PARD3: variants seen among roughly 807,000 people sequenced by gnomAD.
PARD3 encodes the protein partitioning defective 3 homolog.
PARD3 carries 75 observed loss-of-function variants against 155.4 expected under a neutral mutation model. That is an observed-to-expected ratio of 0.48 (90% confidence interval 0.40 to 0.58). The LOEUF is 0.58. PARD3 is among the 20% of genes least tolerant of loss of function. The pLI, the probability that PARD3 is intolerant of heterozygous loss-of-function variation, is 0.00. For synonymous variants in PARD3, 576 were observed against 610.5 expected, an observed-to-expected ratio of 0.94 and a Z score of 0.83; for missense variants, 1,642 against 1,721.7, an observed-to-expected ratio of 0.95 and a Z score of 0.82.
intron 7 of PARD3, among the ~76,000 whole-genome samples, chr10:34,393,234 C>T (rs1321844820): frequency 6.6e-6 from 1 of 150,466 alleles, no homozygotes; most frequent in Non-Finnish European, 1.5e-5. Context: ...AATTTAAGTG[C>T]CACAGACTTA....
At chr10:34,574,205 A>G (rs2086706035) in intron 2 of PARD3, among the ~76,000 whole-genome samples, 2 of 152,196 alleles carry the variant, frequency 1.3e-5, no homozygotes, top group South Asian at 4.1e-4. Flanking sequence ...ATTGATTATA[A>G]AAAGGGGACA....
chr10:34,145,221 A>ATATATATATATTTTTTTTTT (rs1491430560), intron 22 of PARD3, among the ~76,000 whole-genome samples: 2 of 33,970 alleles, frequency 5.9e-5, no homozygotes, highest in Admixed American at 4.0e-4. Context: ...ATATATATAT[A>ATATATATATATTTTTTTTTT]TTTTTTTTTT....
At chr10:34,705,370 C>T (rs2094347504) in intron 1 of PARD3, among the ~76,000 whole-genome samples, 1 of 151,950 alleles carries the variant, frequency 6.6e-6, no homozygotes, top group Non-Finnish European at 1.5e-5. Context: ...TGCCTATAGT[C>T]CCAGCTACTG....
At position 34,731,984 on chromosome 10, in the gene PARD3, C is replaced by G. The variant is rs373522144; in HGVS notation, c.121-35565G>C. ...GAAGAAATTTTGCAAGACTAACTCT[C>G]AAAAAGAATAGCTATTTGCAGAATG... is the stretch of plus-strand genomic sequence containing the variant. On this transcript the variant is annotated intron_variant, in intron 1 of 24. Transcript: ENST00000374788. Among the ~76,000 whole-genome samples, 44 of 152,242 alleles carry G rather than the reference C, an allele frequency of 2.9e-4. 1 individual carries two copies. In the East Asian group the frequency reaches 6.0e-3, roughly 21 times the overall value.
intron 2 of PARD3, among the ~76,000 whole-genome samples, chr10:34,551,430 G>A (rs2084548235): frequency 6.6e-6 from 1 of 152,082 alleles, no homozygotes; most frequent in African/African-American, 2.4e-5. Context: ...TCACTCAAAT[G>A]AACACAAATA....
chr10:34,646,867 T>C (rs1242374677), intron 2 of PARD3, among the ~76,000 whole-genome samples: 1 of 152,192 alleles, frequency 6.6e-6, no homozygotes, highest in African/African-American at 2.4e-5. Context: ...CATTATTTTT[T>C]TGCAGGCTGA....
chr10:34,411,645 C>G (rs1323802409), intron 5 of PARD3, among the ~76,000 whole-genome samples: 1 of 151,872 alleles, frequency 6.6e-6, no homozygotes, highest in African/African-American at 2.4e-5. Flanking sequence ...GACTGCAGAT[C>G]TTGGGACTTT....
intron 4 of PARD3, among the ~76,000 whole-genome samples, chr10:34,450,747 C>T (rs556281105): frequency 1.3e-5 from 2 of 152,240 alleles, no homozygotes; most frequent in Admixed American, 6.5e-5. Context: ...AAACCAAGTA[C>T]GTACACCAAA....
At chr10:34,427,686 G>C (rs2075690158) in intron 5 of PARD3, among the ~76,000 whole-genome samples, 1 of 152,068 alleles carries the variant, frequency 6.6e-6, no homozygotes, top group Non-Finnish European at 1.5e-5. Context: ...ATAAAAACTT[G>C]CTGGCTTTAC....
At chr10:34,432,041 CAAA>C (rs142848273) in intron 5 of PARD3, among the ~76,000 whole-genome samples, 148 of 21,542 alleles carry the variant, frequency 6.9e-3, no homozygotes, top group African/African-American at 0.016. Context: ...GACTCTGTCT[CAAA>C]AAAAAAAAAA....
intron 2 of PARD3, among the ~76,000 whole-genome samples, chr10:34,585,410 AATCT>A (rs2087917104): frequency 1.3e-5 from 2 of 152,144 alleles, no homozygotes; most frequent in African/African-American, 4.8e-5. Flanking sequence ...TTATTTCATC[AATCT>A]ATTAGGAACT....
At chr10:34,728,387 C>T (rs1564553462) in intron 1 of PARD3, among the ~76,000 whole-genome samples, 1 of 152,258 alleles carries the variant, frequency 6.6e-6, no homozygotes, top group South Asian at 2.1e-4. Context: ...AAAATAGTCA[C>T]ATTAGCAGCC....
At position 34,350,242 on chromosome 10, in the gene PARD3, G is replaced by A. The variant is rs573457281; in HGVS notation, c.2068-2127C>T. On this transcript the variant is annotated intron_variant, in intron 14 of 24. Transcript: ENST00000374788. ...GAAATGTGTCAGAGGGGGCACCAGC[G>A]GCACTGAGGAAGAGAGGCAACCCCA... is the stretch of plus-strand genomic sequence containing the variant. Among the ~76,000 whole-genome samples, 18 of 152,252 alleles carry A rather than the reference G, an allele frequency of 1.2e-4. No individual in the cohort carries two copies. The South Asian group carries it at 1.5e-3, about 12-fold the overall frequency.
intron 1 of PARD3, among the ~76,000 whole-genome samples, chr10:34,702,158 G>C (rs530880438): frequency 6.6e-6 from 1 of 150,680 alleles, no homozygotes; most frequent in Non-Finnish European, 1.5e-5. Context: ...GCAACACTCC[G>C]TCTCAAAATA....
intron 2 of PARD3, among the ~76,000 whole-genome samples, chr10:34,619,242 G>C (rs1429631192): frequency 6.6e-6 from 1 of 151,886 alleles, no homozygotes; most frequent in African/African-American, 2.4e-5. Flanking sequence ...GTAGAGACGG[G>C]GTTTCACGTG....
At chr10:34,432,333 C>G (rs1301689122) in intron 5 of PARD3, among the ~76,000 whole-genome samples, 1 of 74,892 alleles carries the variant, frequency 1.3e-5, no homozygotes, top group Non-Finnish European at 2.7e-5. Flanking sequence ...TATACACGTG[C>G]ACATACACAC....
chr10:34,344,046 C>G, intron 15 of PARD3: 1 of 951,594 alleles, frequency 1.1e-6, no homozygotes, highest in Non-Finnish European at 1.3e-6. Flanking sequence ...TCTTCTTAAA[C>G]TCACCACATA....
At chr10:34,780,698 T>C (rs1474812413) in intron 1 of PARD3, among the ~76,000 whole-genome samples, 1 of 152,232 alleles carries the variant, frequency 6.6e-6, no homozygotes, top group African/African-American at 2.4e-5. Context: ...TGCCGCAGTT[T>C]TTTACAGAAG....
chr10:34,209,521 G>A (rs992487675), intron 22 of PARD3, among the ~76,000 whole-genome samples: 1 of 152,064 alleles, frequency 6.6e-6, no homozygotes, highest in African/African-American at 2.4e-5. Context: ...GTGTTGTGGG[G>A]GGCAGTCAAA....
Sources: gnomAD v4.1 joint callset for allele counts (sites outside exome capture counted in the v4.1 genomes callset) on GRCh38, gnomAD v4.1.1 for gene constraint, MANE v1.5 for transcripts, NCBI Gene and HGNC (gene_info 2026-07-23, HGNC 2026-07-21) for gene names.